Variants in ZMYM4 observed in about 807,000 individuals in gnomAD.
The protein encoded by ZMYM4 is zinc finger MYM-type containing 4.
A neutral mutation model predicts 183.2 loss-of-function variants in ZMYM4; 31 were observed. The ratio of observed to expected loss-of-function variants is 0.17; its 90% CI spans 0.13 to 0.23. ZMYM4 has a LOEUF of 0.23. ZMYM4 is among the 10% of genes least tolerant of loss of function. ZMYM4 has a pLI of 1.00. For synonymous variants in ZMYM4, 592 were observed against 631.2 expected (o/e 0.94, Z 0.93); for missense variants, 1,273 against 1,840.3 (o/e 0.69, Z 5.64).
intron 1 of ZMYM4, among the ~76,000 whole-genome samples, chr1:35,310,095 A>T (rs377573987): frequency 3.3e-5 from 5 of 151,872 alleles, no homozygotes; most frequent in African/African-American, 1.2e-4. Context: ...ATGCCCGGCT[A>T]ATGTTTGTAT....
chr1:35,338,514 G>A (rs1643068797), intron 2 of ZMYM4, among the ~76,000 whole-genome samples: 1 of 152,146 alleles, frequency 6.6e-6, no homozygotes, highest in Admixed American at 6.6e-5. Flanking sequence ...TATCTGTGGG[G>A]TAGGGGAATG....
intron 1 of ZMYM4, among the ~76,000 whole-genome samples, chr1:35,269,854 C>T (rs1213560378): frequency 6.6e-6 from 1 of 151,980 alleles, no homozygotes; most frequent in Admixed American, 6.6e-5. Flanking sequence ...TTTCAGATGG[C>T]GAACAATACT....
chr1:35,307,958 T>G (rs144216494), intron 1 of ZMYM4, among the ~76,000 whole-genome samples: 8,794 of 151,182 alleles, frequency 0.058, 615 homozygotes, highest in African/African-American at 0.16. Context: ...GCCTCCCAAG[T>G]AGCTGGGATT....
intron 5 of ZMYM4, among the ~76,000 whole-genome samples, chr1:35,364,196 G>A (rs1330402469): frequency 6.6e-6 from 1 of 152,102 alleles, no homozygotes; most frequent in Non-Finnish European, 1.5e-5. Flanking sequence ...TTCCCCAAAG[G>A]CTTACTCCCT....
At chr1:35,396,364 G>T (rs778598942) in intron 18 of ZMYM4, among the ~76,000 whole-genome samples, 188 bp from the exon 19 acceptor site, 2 of 151,926 alleles carry the variant, frequency 1.3e-5, no homozygotes, top group Admixed American at 1.3e-4. Context: ...CCCACTTTTT[G>T]TCAGTGCTAT....
chr1:35,334,560 G>T (rs1036435638), intron 2 of ZMYM4, among the ~76,000 whole-genome samples: 1 of 152,080 alleles, frequency 6.6e-6, no homozygotes, highest in African/African-American at 2.4e-5. Flanking sequence ...AATATTTGTT[G>T]AAGAATGAAT....
chr1:35,393,049 G>A (rs1644739777), intron 17 of ZMYM4, among the ~76,000 whole-genome samples: 1 of 151,918 alleles, frequency 6.6e-6, no homozygotes, highest in African/African-American at 2.4e-5. Flanking sequence ...AGATTATACT[G>A]TAAAAAAAAA....
At chr1:35,319,365 T>G (rs192007946) in intron 1 of ZMYM4, among the ~76,000 whole-genome samples, 1 of 152,270 alleles carries the variant, frequency 6.6e-6, no homozygotes, top group East Asian at 1.9e-4. Flanking sequence ...GGCTCATGCT[T>G]GCATTCCCAG....
intron 2 of ZMYM4, among the ~76,000 whole-genome samples, chr1:35,345,970 A>G (rs1455165449): frequency 6.6e-6 from 1 of 152,224 alleles, no homozygotes; most frequent in Admixed American, 6.5e-5. Flanking sequence ...GCCTGTGGCA[A>G]TCACCCTTCT....
At chr1:35,412,082 A>G (rs189475365) in intron 26 of ZMYM4, among the ~76,000 whole-genome samples, 2,381 of 149,486 alleles carry the variant, frequency 0.016, 54 homozygotes, top group African/African-American at 0.046. Flanking sequence ...TAGTAGAGAC[A>G]GGGTTTCACC....
intron 2 of ZMYM4, among the ~76,000 whole-genome samples, chr1:35,335,419 T>G (rs900844372): frequency 3.9e-5 from 6 of 151,994 alleles, no homozygotes; most frequent in Non-Finnish European, 5.9e-5. Flanking sequence ...ATATTTTTAG[T>G]AGAGACGAGG....
chr1:35,321,885 T>C (rs1642296426), intron 1 of ZMYM4, among the ~76,000 whole-genome samples: 1 of 151,862 alleles, frequency 6.6e-6, no homozygotes, highest in Non-Finnish European at 1.5e-5. Context: ...CTTCTAGAAA[T>C]TGATCCTACA....
At chr1:35,384,943 C>T (rs1321939013) in intron 9 of ZMYM4, among the ~76,000 whole-genome samples, 1 of 150,056 alleles carries the variant, frequency 6.7e-6, no homozygotes, top group Non-Finnish European at 1.5e-5. Flanking sequence ...TCCTGGTTCA[C>T]GCCATTCTCC....
At chr1:35,283,170 T>TC (rs1640277148) in intron 1 of ZMYM4, among the ~76,000 whole-genome samples, 1 of 117,938 alleles carries the variant, frequency 8.5e-6, no homozygotes, top group African/African-American at 4.5e-5. Context: ...CATGCCTGGC[T>TC]AATTTTTTTT....
chr1:35,290,003 T>C (rs1406586983), intron 1 of ZMYM4, among the ~76,000 whole-genome samples: 1 of 152,148 alleles, frequency 6.6e-6, no homozygotes, highest in Non-Finnish European at 1.5e-5. Context: ...AGTCTCACTC[T>C]GTCACCTAGG....
At chr1:35,414,721 G>T (rs1288882369) in intron 27 of ZMYM4, among the ~76,000 whole-genome samples, 1 of 152,050 alleles carries the variant, frequency 6.6e-6, no homozygotes, top group Non-Finnish European at 1.5e-5. Flanking sequence ...ATTTTTTTAA[G>T]AATTCCTATT....
chr1:35,302,282 A>G (rs1570298108), intron 1 of ZMYM4, among the ~76,000 whole-genome samples: 1 of 134,122 alleles, frequency 7.5e-6, no homozygotes, highest in East Asian at 2.1e-4. Flanking sequence ...ATCACAGCTC[A>G]CTGCTGCCTT....
At chr1:35,316,141 G>A (rs1256451819) in intron 1 of ZMYM4, among the ~76,000 whole-genome samples, 4 of 152,066 alleles carry the variant, frequency 2.6e-5, no homozygotes, top group African/African-American at 9.7e-5. Flanking sequence ...GGATTATGTA[G>A]CCCAACTTTA....
intron 1 of ZMYM4, 41 bp downstream of exon 1, chr1:35,269,126 G>C: frequency 5.2e-6 from 8 of 1,543,364 alleles, no homozygotes; most frequent in Non-Finnish European, 7.0e-6. Flanking sequence ...GGGGGGCGGG[G>C]CGCGGCCCGG....
Sources: allele counts gnomAD v4.1 joint callset (sites outside exome capture counted in the v4.1 genomes callset), GRCh38; gene constraint gnomAD v4.1.1; transcripts MANE v1.5; gene names NCBI Gene and HGNC (gene_info 2026-07-23, HGNC 2026-07-21).